Variants in PLCB4 observed in about 807,000 individuals in gnomAD.
The protein encoded by PLCB4 is phospholipase C beta 4, also known as 1-phosphatidylinositol 4,5-bisphosphate phosphodiesterase beta-4.
Under a neutral mutation model 178.8 loss-of-function variants are expected in PLCB4, and 77 were observed. The observed-to-expected ratio is 0.43, with a 90% CI of 0.36 to 0.52. The LOEUF is 0.52. Among genes scored for constraint, PLCB4 ranks in the 20% least tolerant of loss-of-function variants. PLCB4 has a pLI of 0.00. For synonymous variants in PLCB4, 496 were observed against 490.8 expected (o/e 1.01, Z -0.14); for missense variants, 1,024 against 1,453.4 (o/e 0.70, Z 4.80).
intron 13 of PLCB4, among the ~76,000 whole-genome samples, chr20:9,380,642 G>A (rs1329498422): frequency 6.6e-6 from 1 of 152,184 alleles, no homozygotes; most frequent in Admixed American, 6.5e-5. Flanking sequence ...AAATTAAATA[G>A]TCAGGAATCG....
intron 4 of PLCB4, among the ~76,000 whole-genome samples, chr20:9,328,880 C>T (rs1347215453): frequency 5.3e-5 from 8 of 152,168 alleles, no homozygotes; most frequent in African/African-American, 1.9e-4. Context: ...GCTCTCTGCA[C>T]AGAAAGGGCT....
At chr20:9,253,982 A>T (rs36108916) in intron 3 of PLCB4, among the ~76,000 whole-genome samples, 2 of 152,318 alleles carry the variant, frequency 1.3e-5, no homozygotes, top group African/African-American at 2.4e-5. Context: ...GAGCAAAAGT[A>T]TGTTTGGTCT....
intron 32 of PLCB4, among the ~76,000 whole-genome samples, chr20:9,444,566 C>A (rs1035217096): frequency 2.0e-5 from 3 of 152,082 alleles, no homozygotes; most frequent in African/African-American, 7.2e-5. Flanking sequence ...AGTTTGAGAC[C>A]AGCCTGACCA....
chr20:9,226,086 C>G (rs1219049348), intron 3 of PLCB4, among the ~76,000 whole-genome samples: 1 of 152,072 alleles, frequency 6.6e-6, no homozygotes, highest in African/African-American at 2.4e-5. Context: ...GTCACAAAAG[C>G]AGGAAGAGAG....
At chr20:9,301,888 C>A (rs771322471) in intron 3 of PLCB4, among the ~76,000 whole-genome samples, 1 of 151,956 alleles carries the variant, frequency 6.6e-6, no homozygotes, top group Non-Finnish European at 1.5e-5. Flanking sequence ...TAGAACAATG[C>A]GACTATTTAA....
intron 3 of PLCB4, among the ~76,000 whole-genome samples, chr20:9,299,616 T>G (rs1355717017): frequency 3.9e-5 from 6 of 152,084 alleles, no homozygotes; most frequent in Admixed American, 2.0e-4. Context: ...TCTTCTAAAT[T>G]TGCTATTGTT....
At chr20:9,245,149 C>T (rs1164405213) in intron 3 of PLCB4, among the ~76,000 whole-genome samples, 2 of 152,200 alleles carry the variant, frequency 1.3e-5, no homozygotes, top group East Asian at 3.9e-4. Context: ...TCAAGAGAGA[C>T]AGAGAAAGAG....
At chr20:9,203,158 A>T (rs912479212) in intron 2 of PLCB4, among the ~76,000 whole-genome samples, 17 of 151,198 alleles carry the variant, frequency 1.1e-4, no homozygotes, top group Non-Finnish European at 1.0e-4. Flanking sequence ...TGTAAGCTGT[A>T]CTTACTCTTC....
chr20:9,097,417 C>T (rs2090960696), intron 2 of PLCB4, among the ~76,000 whole-genome samples: 1 of 151,934 alleles, frequency 6.6e-6, no homozygotes, highest in Middle Eastern at 3.4e-3. Flanking sequence ...ATGGGGCTGT[C>T]ACCCCAAACC....
intron 3 of PLCB4, among the ~76,000 whole-genome samples, chr20:9,226,272 T>C (rs564087558): frequency 6.6e-6 from 1 of 152,358 alleles, no homozygotes; most frequent in East Asian, 1.9e-4. Flanking sequence ...TGTGTTTTTT[T>C]ATACTCCTCA....
At chr20:9,472,638 A>G (rs2044266427) in intron 36 of PLCB4, 152 bp from the exon 37 acceptor site, 1 of 487,050 alleles carries the variant, frequency 2.1e-6, no homozygotes, top group Admixed American at 3.9e-5. Context: ...TTCTCTGGAC[A>G]TTATATGTTT....
intron 5 of PLCB4, 60 bp from the exon 6 acceptor site, chr20:9,337,948 C>A: frequency 1.5e-6 from 2 of 1,353,808 alleles, no homozygotes; most frequent in Non-Finnish European, 2.1e-6. Context: ...AAGCAGTTTG[C>A]CTGTATCATA....
intron 3 of PLCB4, among the ~76,000 whole-genome samples, chr20:9,245,957 A>G (rs1442984028): frequency 6.6e-6 from 1 of 152,048 alleles, no homozygotes; most frequent in African/African-American, 2.4e-5. Flanking sequence ...TAAGCTGTCT[A>G]GTTGGTGGTA....
intron 3 of PLCB4, among the ~76,000 whole-genome samples, chr20:9,237,239 T>C (rs925113635): frequency 2.6e-5 from 4 of 152,270 alleles, no homozygotes; most frequent in Non-Finnish European, 4.4e-5. Context: ...GATCAGGATG[T>C]GTGTGTGTGC....
At chr20:9,193,108 A>C (rs1394708015) in intron 2 of PLCB4, among the ~76,000 whole-genome samples, 1 of 152,222 alleles carries the variant, frequency 6.6e-6, no homozygotes, top group Non-Finnish European at 1.5e-5. Context: ...TTGAGCACCT[A>C]CCATGTGCTG....
chr20:9,475,093 G>A (rs574229537), intron 38 of PLCB4, among the ~76,000 whole-genome samples: 155 of 152,320 alleles, frequency 1.0e-3, no homozygotes, highest in Non-Finnish European at 1.9e-3. Context: ...GGATGCCTTG[G>A]AGAAGGTTTT....
intron 2 of PLCB4, among the ~76,000 whole-genome samples, chr20:9,202,941 A>G (rs1054824116): frequency 6.6e-6 from 1 of 151,582 alleles, no homozygotes; most frequent in Non-Finnish European, 1.5e-5. Context: ...AAACAAAAAC[A>G]AAAACCAGGT....
chr20:9,339,921 A>T (rs938425277), intron 7 of PLCB4, among the ~76,000 whole-genome samples: 2 of 152,168 alleles, frequency 1.3e-5, no homozygotes, highest in Admixed American at 6.5e-5. Context: ...TCTGCTAATC[A>T]TGTGTTTACA....
chr20:9,156,932 C>T (rs999953217), intron 2 of PLCB4, among the ~76,000 whole-genome samples: 1 of 143,218 alleles, frequency 7.0e-6, no homozygotes, highest in Admixed American at 7.3e-5. Flanking sequence ...CTAGATGGAT[C>T]AACTCAAGTT....
Sources: allele counts gnomAD v4.1 joint callset (sites outside exome capture counted in the v4.1 genomes callset), GRCh38; gene constraint gnomAD v4.1.1; transcripts MANE v1.5; gene names NCBI Gene and HGNC (gene_info 2026-07-23, HGNC 2026-07-21).